The following SPRED2 variants were observed in gnomAD, a reference collection of about 807,000 sequenced individuals.
The protein encoded by SPRED2 is sprouty-related, EVH1 domain-containing protein 2.
SPRED2 carries 47 observed loss-of-function variants against 43.0 expected under a neutral mutation model. The observed-to-expected ratio is 1.09, with a 90% CI of 0.87 to 1.40. The LOEUF (loss-of-function observed/expected upper bound fraction) is 1.40, where lower values mean the gene tolerates loss of function less well. SPRED2 is among the 40% of genes most tolerant of loss of function. SPRED2 has a pLI of 0.00. For synonymous variants in SPRED2, 225 were observed against 225.7 expected, an observed-to-expected ratio of 1.00 and a Z score of 0.03; for missense variants, 561 against 586.4, an observed-to-expected ratio of 0.96 and a Z score of 0.45.
At chr2:65,388,015 A>C (rs1209992527) in intron 1 of SPRED2, among the ~76,000 whole-genome samples, 1 of 152,052 alleles carries the variant, frequency 6.6e-6, no homozygotes, top group African/African-American at 2.4e-5. Context: ...TTGGTCTCGA[A>C]CTCCTGACCT....
intron 1 of SPRED2, among the ~76,000 whole-genome samples, chr2:65,381,557 T>C (rs1227049260): frequency 6.6e-6 from 1 of 152,224 alleles, no homozygotes; most frequent in Non-Finnish European, 1.5e-5. Context: ...GCACTTTGCA[T>C]AGTACCTTCA....
At chr2:65,393,601 C>T (rs188212001) in intron 1 of SPRED2, among the ~76,000 whole-genome samples, 148 of 152,234 alleles carry the variant, frequency 9.7e-4, no homozygotes, top group African/African-American at 3.4e-3. Flanking sequence ...TCCCAAAGTG[C>T]TAGGATTATA....
At chr2:65,345,578 G>A (rs1224445897) in intron 1 of SPRED2, among the ~76,000 whole-genome samples, 2 of 151,956 alleles carry the variant, frequency 1.3e-5, no homozygotes, top group Admixed American at 1.3e-4. Flanking sequence ...CTATTAAGAC[G>A]GTATTATGGT....
chr2:65,335,789 T>C (rs1673950024), intron 2 of SPRED2, among the ~76,000 whole-genome samples: 1 of 152,208 alleles, frequency 6.6e-6, no homozygotes, highest in Admixed American at 6.5e-5. Flanking sequence ...AAAAGAAACA[T>C]TGCAATAATT....
intron 1 of SPRED2, among the ~76,000 whole-genome samples, chr2:65,382,364 T>C (rs1675393316): frequency 6.6e-6 from 1 of 152,202 alleles, no homozygotes. Flanking sequence ...TAGAAATTCT[T>C]GCTGCTGCTT....
chr2:65,400,331 TC>T (rs1675855558), intron 1 of SPRED2, among the ~76,000 whole-genome samples: 1 of 152,220 alleles, frequency 6.6e-6, no homozygotes, highest in African/African-American at 2.4e-5. Flanking sequence ...AAATATTGCC[TC>T]CCTGTTTACT....
intron 2 of SPRED2, among the ~76,000 whole-genome samples, chr2:65,343,866 G>A (rs1322732411): frequency 6.6e-6 from 1 of 152,060 alleles, no homozygotes; most frequent in Non-Finnish European, 1.5e-5. Context: ...AGAAGTATGG[G>A]CCAGGCACGG....
intron 1 of SPRED2, among the ~76,000 whole-genome samples, chr2:65,393,543 C>T (rs1215278362): frequency 1.3e-5 from 2 of 152,038 alleles, no homozygotes; most frequent in Non-Finnish European, 2.9e-5. Flanking sequence ...TCATGTTGGC[C>T]AGGCTGGTCT....
chr2:65,372,124 C>A (rs1391331013), intron 1 of SPRED2, among the ~76,000 whole-genome samples: 1 of 152,000 alleles, frequency 6.6e-6, no homozygotes, highest in Non-Finnish European at 1.5e-5. Context: ...TCTTTCAGAG[C>A]TAGGACTGTG....
intron 4 of SPRED2, among the ~76,000 whole-genome samples, chr2:65,326,416 T>C (rs1414142910): frequency 6.6e-6 from 1 of 152,198 alleles, no homozygotes; most frequent in Non-Finnish European, 1.5e-5. Flanking sequence ...TGGGAACAGG[T>C]AGCTCCGGCT....
intron 1 of SPRED2, among the ~76,000 whole-genome samples, chr2:65,367,120 C>T (rs1378205408): frequency 6.6e-6 from 1 of 152,104 alleles, no homozygotes; most frequent in Non-Finnish European, 1.5e-5. Context: ...TTCGTGTAGG[C>T]ATGGACTTGT....
downstream of SPRED2, chr2:65,308,513 CT>C: frequency 1.0e-6 from 1 of 985,408 alleles, no homozygotes; most frequent in Non-Finnish European, 1.2e-6. Context: ...TGATAATGCG[CT>C]TCAGCCTTCT....
chr2:65,324,885 C>T (rs577109859), intron 4 of SPRED2, among the ~76,000 whole-genome samples: 8 of 152,294 alleles, frequency 5.3e-5, no homozygotes, highest in Admixed American at 2.6e-4. Flanking sequence ...CAGTACTATG[C>T]GCATCCCTTC....
chr2:65,351,653 C>T (rs1008712248), intron 1 of SPRED2, among the ~76,000 whole-genome samples: 2 of 152,166 alleles, frequency 1.3e-5, no homozygotes, highest in African/African-American at 2.4e-5. Context: ...TATAAAGGCT[C>T]TTTGATTTCA....
intron 1 of SPRED2, among the ~76,000 whole-genome samples, chr2:65,395,816 G>A (rs188133776): frequency 7.7e-4 from 117 of 152,224 alleles, no homozygotes; most frequent in African/African-American, 2.6e-3. Context: ...CTGTGGCCAC[G>A]TCACACTCCA....
At chr2:65,399,236 T>C (rs1216344414) in intron 1 of SPRED2, among the ~76,000 whole-genome samples, 1 of 141,932 alleles carries the variant, frequency 7.0e-6, no homozygotes, top group African/African-American at 2.7e-5. Flanking sequence ...GCCATTGCAC[T>C]CCAGCCTGGT....
rs1673094216 is a variant in SPRED2, at chr2:65,312,404, A to C, written c.*1097T>G. 1 of 985,454 alleles carries C rather than the reference A, an allele frequency of 1.0e-6. No homozygotes were observed. Among genetic ancestry groups the C allele is most frequent in the Middle Eastern group, 5.2e-4 (1 of 1,914 alleles). 61.0% of individuals were successfully genotyped at this position (985,454 alleles called of 1,614,324 possible). ...ATGCAACCCACCACTCTTCAAATTTATGACATTTAAAAATCCCCTCTCCCC... is the reference window on the plus strand; with the variant it reads ...ATGCAACCCACCACTCTTCAAATTTCTGACATTTAAAAATCCCCTCTCCCC... On this transcript the variant is annotated 3_prime_UTR_variant, in exon 6 of 6. Coordinates refer to ENST00000356388, the MANE Select transcript of SPRED2 (RefSeq NM_181784.3).
intron 1 of SPRED2, among the ~76,000 whole-genome samples, chr2:65,423,541 C>A (rs1409950233): frequency 6.6e-6 from 1 of 152,226 alleles, no homozygotes; most frequent in Non-Finnish European, 1.5e-5. Flanking sequence ...ATTATCCTCC[C>A]ACAAGCTCCC....
At chr2:65,329,788 G>A (rs1404578422) in intron 4 of SPRED2, among the ~76,000 whole-genome samples, 1 of 152,214 alleles carries the variant, frequency 6.6e-6, no homozygotes, top group East Asian at 1.9e-4. Flanking sequence ...CAAAGGAACA[G>A]ATGTAAGCAA....
Sources: gnomAD v4.1 joint callset for allele counts (sites outside exome capture counted in the v4.1 genomes callset) on GRCh38, gnomAD v4.1.1 for gene constraint, MANE v1.5 for transcripts, NCBI Gene and HGNC (gene_info 2026-07-23, HGNC 2026-07-21) for gene names.